CDH20: variants seen among roughly 807,000 people sequenced by gnomAD.
CDH20 encodes cadherin-20.
A neutral mutation model predicts 74.2 loss-of-function variants in CDH20; 29 were observed. The observed-to-expected ratio is 0.39, with a 90% CI of 0.29 to 0.53. The LOEUF is 0.53. Ranked by LOEUF, CDH20 falls within the 20% of genes least tolerant of loss-of-function variation. The pLI is 0.69. For missense variants in CDH20, 988 were observed against 1,048.3 expected, an observed-to-expected ratio of 0.94 and a Z score of 0.79; for synonymous variants, 469 against 405.4, an observed-to-expected ratio of 1.16 and a Z score of -1.88.
chr18:61,443,919 T>C (rs1438705091), intron 1 of CDH20, among the ~76,000 whole-genome samples: 2 of 151,972 alleles, frequency 1.3e-5, no homozygotes, highest in East Asian at 3.9e-4. Flanking sequence ...CAGATGGCCC[T>C]AGATAGCCAG....
intron 1 of CDH20, among the ~76,000 whole-genome samples, chr18:61,403,074 G>A (rs1188875393): frequency 6.6e-6 from 1 of 152,136 alleles, no homozygotes; most frequent in African/African-American, 2.4e-5. Context: ...TGCAATACAA[G>A]TCTAAAATAT....
At chr18:61,425,809 C>T (rs1372701786) in intron 1 of CDH20, among the ~76,000 whole-genome samples, 1 of 152,044 alleles carries the variant, frequency 6.6e-6, no homozygotes, top group Non-Finnish European at 1.5e-5. Flanking sequence ...AAGAACTTAT[C>T]CATGTAAACA....
chr18:61,473,229 A>C (rs994408337), intron 1 of CDH20, among the ~76,000 whole-genome samples: 1 of 152,238 alleles, frequency 6.6e-6, no homozygotes, highest in African/African-American at 2.4e-5. Context: ...GCTATTAACC[A>C]ATTCTATTAT....
rs369126362 is a variant in CDH20 at position 61,499,362 on chromosome 18, G to T, written c.423G>T (p.Thr141=). Residue 141 remains threonine, a synonymous_variant, in exon 3 of 12, where the codon ACG becomes ACT. Transcript: ENST00000262717. ...GGGCTCAAGCCCTAGACAGGCGGAC[G>T]GGCAGGCCAATGGAGCCCGAGTCAG... ...TLRAQALDRR[T]GRPMEPESEF... 6.2e-6 allele frequency: 10 copies of T among 1,613,994 alleles called. No homozygotes were observed. Among genetic ancestry groups the T allele is most frequent in the Non-Finnish European group, 7.6e-6 (9 of 1,179,940 alleles).
intron 10 of CDH20, chr18:61,549,741 A>G (rs201894012): frequency 6.2e-4 from 11 of 17,792 alleles, no homozygotes; most frequent in Non-Finnish European, 1.2e-3. Context: ...AGACAGACTC[A>G]AAAAAAAAAG....
intron 1 of CDH20, among the ~76,000 whole-genome samples, chr18:61,399,363 C>T (rs1912086314): frequency 6.6e-6 from 1 of 152,160 alleles, no homozygotes; most frequent in Non-Finnish European, 1.5e-5. Flanking sequence ...CTTCTTTCTG[C>T]TTTCCTTGGG....
Position 61,550,188 on chromosome 18 carries a change from G to A in CDH20, c.1859G>A (p.Gly620Asp). 1 of 1,614,064 alleles carries A rather than the reference G, an allele frequency of 6.2e-7. No individual in the cohort carries two copies. The highest frequency in any genetic ancestry group is 8.5e-7 in the Non-Finnish European group (1 of 1,180,044). Residue 620 changes from glycine (G) to aspartate (D), a missense_variant, in exon 11 of 12, where the codon GGC (glycine) becomes GAC (aspartate). Gly to Asp is a moderately conservative substitution (Grantham distance 94, BLOSUM62 -1). Coordinates refer to ENST00000262717, the MANE Select transcript of CDH20 (RefSeq NM_031891.4). Reference sequence around the variant, plus strand: ...ATGCTCCCAGTCAGTTTGAGCCGGGGCGCCCTCATTGCCATCCTCGCCTGC... The same window carrying A: ...ATGCTCCCAGTCAGTTTGAGCCGGGACGCCCTCATTGCCATCCTCGCCTGC... ...AYMLPVSLSR[G>D]ALIAILACIF...
intron 6 of CDH20, among the ~76,000 whole-genome samples, chr18:61,527,023 A>T (rs370067214): frequency 2.6e-5 from 4 of 152,240 alleles, no homozygotes; most frequent in African/African-American, 9.6e-5. Context: ...TCTACTAAAA[A>T]TGCAAAATTA....
rs776686109 is a variant in CDH20 at position 61,499,305 on chromosome 18, C to T, written c.366C>T (p.Leu122=). 38 of 1,613,842 alleles carry T rather than the reference C, an allele frequency of 2.4e-5. No homozygotes were observed. The highest frequency in any genetic ancestry group is 3.0e-5 in the Non-Finnish European group (35 of 1,179,970). The change falls in exon 3 of 12, where the codon CTC becomes CTT. Residue 122 remains leucine, a synonymous_variant. Transcript: ENST00000262717. ...GAGACATCCACGCCATTCAGAGGCT[C>T]GACCGAGAGGAAAGAGCCCAGTATA... ...TTGDIHAIQR[L]DREERAQYTL... is the part of the protein sequence containing the mutation.
chr18:61,493,526 C>T (rs1050614742), intron 2 of CDH20, among the ~76,000 whole-genome samples: 2 of 152,170 alleles, frequency 1.3e-5, no homozygotes, highest in Non-Finnish European at 2.9e-5. Context: ...AAATCAGGTC[C>T]TCATCCCAAT....
intron 1 of CDH20, among the ~76,000 whole-genome samples, chr18:61,359,258 A>C (rs1910605791): frequency 6.6e-6 from 1 of 152,076 alleles, no homozygotes. Flanking sequence ...ATAGGGACTC[A>C]ATTTTCCTTA....
chr18:61,521,101 C>T (rs912891248), intron 6 of CDH20, among the ~76,000 whole-genome samples: 1 of 150,640 alleles, frequency 6.6e-6, no homozygotes, highest in Non-Finnish European at 1.5e-5. Flanking sequence ...GATAGAGACA[C>T]AAAAAAACCT....
intron 1 of CDH20, among the ~76,000 whole-genome samples, chr18:61,408,157 A>G (rs1912390163): frequency 6.6e-6 from 1 of 152,200 alleles, no homozygotes; most frequent in South Asian, 2.1e-4. Context: ...GAGTTAATAA[A>G]TTATTAAGGG....
rs1911441282 is a variant in CDH20 at position 61,503,081 on chromosome 18, C to T, written c.790C>T (p.Leu264Phe). Residue 264 changes from leucine to phenylalanine, a missense_variant, in exon 5 of 12, where the codon CTC becomes TTC. Leu to Phe is a conservative substitution (Grantham distance 22, BLOSUM62 0). Around this residue, in one of 2 missense-constraint regions of CDH20, gnomAD observed 613 missense variants for 755.2 expected, o/e 0.81. Transcript: ENST00000262717. ...LAGTTTVNIT[L>F]SDVNDNPPRF... ...TGGGACCACAACAGTCAACATCACCCTCTCAGATGTCAATGATAACCCACC... is the reference window on the plus strand; with the variant it reads ...TGGGACCACAACAGTCAACATCACCTTCTCAGATGTCAATGATAACCCACC... 6.2e-7 allele frequency: 1 copy of T among 1,612,964 alleles called. No individual in the cohort carries two copies. Among genetic ancestry groups the T allele is most frequent in the Non-Finnish European group, 8.5e-7 (1 of 1,179,562 alleles).
At chr18:61,382,348 C>T (rs925123069) in intron 1 of CDH20, among the ~76,000 whole-genome samples, 3 of 152,096 alleles carry the variant, frequency 2.0e-5, no homozygotes, top group East Asian at 1.9e-4. Context: ...TAGAGTAAAA[C>T]GTAATGGCCA....
At chr18:61,456,656 A>G (rs1276240469) in intron 1 of CDH20, among the ~76,000 whole-genome samples, 2 of 152,172 alleles carry the variant, frequency 1.3e-5, no homozygotes, top group Non-Finnish European at 2.9e-5. Flanking sequence ...TCTTAAAAAA[A>G]AAACAAAAAA....
At chr18:61,453,217 T>C (rs1290526786) in intron 1 of CDH20, among the ~76,000 whole-genome samples, 2 of 152,174 alleles carry the variant, frequency 1.3e-5, no homozygotes, top group Non-Finnish European at 2.9e-5. Context: ...TCCATTTCTA[T>C]AATTTTGTCA....
At chr18:61,449,799 C>A (rs752576772) in intron 1 of CDH20, among the ~76,000 whole-genome samples, 2 of 151,828 alleles carry the variant, frequency 1.3e-5, no homozygotes, top group Non-Finnish European at 2.9e-5. Context: ...TACATATGCA[C>A]ACTGGATAAC....
chr18:61,504,290 A>C (rs1911484545), intron 5 of CDH20, among the ~76,000 whole-genome samples: 1 of 152,164 alleles, frequency 6.6e-6, no homozygotes, highest in South Asian at 2.1e-4. Flanking sequence ...CTAAGGACTT[A>C]AGGAAATAGC....
Sources: allele counts gnomAD v4.1 joint callset (sites outside exome capture counted in the v4.1 genomes callset), GRCh38; gene constraint gnomAD v4.1.1; regional missense constraint gnomAD v4.1.1; transcripts MANE v1.5; gene names NCBI Gene and HGNC (gene_info 2026-07-23, HGNC 2026-07-21).